Variants in PLSCR4 observed in about 807,000 individuals in gnomAD.
PLSCR4 encodes the protein Ca(2+)-dependent phospholipid scramblase 4.
PLSCR4 carries 25 observed loss-of-function variants against 36.3 expected under a neutral mutation model. The ratio of observed to expected loss-of-function variants is 0.69; its 90% CI spans 0.50 to 0.96. The LOEUF (loss-of-function observed/expected upper bound fraction) is 0.96. Ranked by LOEUF, PLSCR4 falls within the 40% of genes least tolerant of loss-of-function variation. The pLI is 0.00. For missense variants in PLSCR4, 408 were observed against 414.7 expected, an observed-to-expected ratio of 0.98 and a Z score of 0.14; for synonymous variants, 122 against 132.9, an observed-to-expected ratio of 0.92 and a Z score of 0.56.
rs2033539657 is a variant in PLSCR4, at chr3:146,193,656, A to C, written c.*755T>G. On this transcript the variant is annotated 3_prime_UTR_variant, in exon 9 of 9. Transcript: ENST00000354952. The stretch of plus-strand genomic sequence containing the variant: ...TCATATAATGACACCAATGTCTCTA[A>C]GTTGCTCAGAGATCTTGACTGGCTG... 6.6e-6 allele frequency: 1 copy of C among 152,232 alleles called. No individual in the cohort carries two copies. Among genetic ancestry groups the C allele is most frequent in the Non-Finnish European group, 1.5e-5 (1 of 68,032 alleles). The allele number at this position is 152,232 out of a possible 1,614,324, so 9.4% of individuals were successfully genotyped here.
chr3:146,243,389 TGTC>T (rs980034644), intron 1 of PLSCR4, among the ~76,000 whole-genome samples: 34 of 152,306 alleles, frequency 2.2e-4, no homozygotes, highest in African/African-American at 8.2e-4. Flanking sequence ...AAAACTGTGT[TGTC>T]ATTTATTCTT....
rs1061409 is a variant in PLSCR4, at chr3:146,199,974, T to A, written c.463A>T (p.Ile155Phe). ...IKNNSDQMVY[I>F]VTEDTDDFTR... ...AAGTCATCTGTGTCTTCGGTTACAA[T>A]GTAAACCATCTGGTCTGAGTTGTTT... Residue 155 changes from isoleucine (I) to phenylalanine (F), a missense_variant, in exon 6 of 9, where the codon ATT becomes TTT. Ile to Phe is a conservative substitution (Grantham distance 21). Transcript: ENST00000354952. 1.7e-5 allele frequency: 28 copies of A among 1,612,482 alleles called. No homozygotes were observed. The highest frequency in any genetic ancestry group is 2.0e-5 in the Non-Finnish European group (24 of 1,178,930).
At chr3:146,226,052 T>C (rs1021500269) in intron 1 of PLSCR4, among the ~76,000 whole-genome samples, 1 of 152,152 alleles carries the variant, frequency 6.6e-6, no homozygotes, top group Non-Finnish European at 1.5e-5. Flanking sequence ...CTGATAAATA[T>C]ATAGAGGAAA....
chr3:146,224,385 C>G (rs919950384), intron 1 of PLSCR4, among the ~76,000 whole-genome samples: 2 of 152,134 alleles, frequency 1.3e-5, no homozygotes, highest in Admixed American at 6.5e-5. Flanking sequence ...AGTATTGTGT[C>G]CAGAATTGGT....
Position 146,221,064 on chromosome 3 carries a change from G to A in PLSCR4, c.8-139C>T, listed in dbSNP as rs543702805. Reference sequence around the variant, plus strand: ...TACACTCCTATATTTTTTAAAGAAAGAATTCATCATATATTAGACACTATT... The same window carrying A: ...TACACTCCTATATTTTTTAAAGAAAAAATTCATCATATATTAGACACTATT... On this transcript the variant is annotated intron_variant, in intron 2 of 8. Coordinates refer to ENST00000354952, the MANE Select transcript of PLSCR4 (RefSeq NM_020353.3). 5.7e-5 allele frequency: 31 copies of A among 543,438 alleles called. No homozygotes were observed. In the South Asian group the frequency reaches 9.5e-4, roughly 17 times the overall value. 33.7% of individuals were successfully genotyped at this position (543,438 alleles called of 1,614,324 possible). A position where few individuals can be genotyped will look rare whatever the true frequency, so the allele number is the denominator to read the frequency against.
chr3:146,220,591 G>A (rs2035086772), intron 3 of PLSCR4, among the ~76,000 whole-genome samples: 1 of 152,136 alleles, frequency 6.6e-6, no homozygotes, highest in African/African-American at 2.4e-5. Context: ...AGAATGGAGA[G>A]AATGTCATCA....
chr3:146,226,515 CTT>C (rs1190892704), intron 1 of PLSCR4, among the ~76,000 whole-genome samples: 5 of 152,160 alleles, frequency 3.3e-5, no homozygotes, highest in Admixed American at 6.5e-5. Flanking sequence ...TAGTGGCAAA[CTT>C]TTAACAACTG....
chr3:146,246,743 A>G (rs1335579485), intron 1 of PLSCR4, among the ~76,000 whole-genome samples: 4 of 152,184 alleles, frequency 2.6e-5, no homozygotes, highest in Non-Finnish European at 5.9e-5. Flanking sequence ...TAGTAAAACA[A>G]GATGTCATGT....
chr3:146,203,767 T>G (rs910060956), intron 4 of PLSCR4, among the ~76,000 whole-genome samples: 2 of 152,018 alleles, frequency 1.3e-5, no homozygotes, highest in Non-Finnish European at 2.9e-5. Flanking sequence ...CTTAAGGAAA[T>G]GTTGTGACTG....
intron 3 of PLSCR4, among the ~76,000 whole-genome samples, chr3:146,208,450 A>C (rs545321927): frequency 2.0e-5 from 3 of 152,200 alleles, no homozygotes; most frequent in Non-Finnish European, 4.4e-5. Flanking sequence ...TAAACTAAAG[A>C]GCTTTTGCAC....
In PLSCR4 at chr3:146,193,730, T is replaced by C. The variant is rs1375722505; in HGVS notation, c.*681A>G. ...GATAGTCTGATTCTGCCTTCATATA[T>C]AGGCAGCTCCTGATCATCCATGCCA... On this transcript the variant is annotated 3_prime_UTR_variant, in exon 9 of 9. Coordinates refer to ENST00000354952, the MANE Select transcript of PLSCR4 (RefSeq NM_020353.3). 3 of 152,228 alleles carry C rather than the reference T, an allele frequency of 2.0e-5. No individual in the cohort carries two copies. The allele number at this position is 152,228 out of a possible 1,614,324, so 9.4% of individuals were successfully genotyped here.
intron 7 of PLSCR4, among the ~76,000 whole-genome samples, chr3:146,196,010 A>T (rs779986759): frequency 4.6e-5 from 7 of 152,234 alleles, no homozygotes; most frequent in Non-Finnish European, 8.8e-5. Context: ...AATATTCTTT[A>T]AGAAGCCTAG....
intron 8 of PLSCR4, 24 bp from the exon 9 acceptor site, chr3:146,194,479 T>A: frequency 1.4e-6 from 2 of 1,422,392 alleles, no homozygotes; most frequent in Non-Finnish European, 2.0e-6. Flanking sequence ...AAGAATTATA[T>A]GTAGATATAT....
At chr3:146,206,026 G>A (rs2034308978) in intron 4 of PLSCR4, among the ~76,000 whole-genome samples, 1 of 151,990 alleles carries the variant, frequency 6.6e-6, no homozygotes, top group Non-Finnish European at 1.5e-5. Context: ...TTGGCCTGAA[G>A]CAATATTCTT....
intron 1 of PLSCR4, among the ~76,000 whole-genome samples, chr3:146,228,165 T>A (rs2035556991): frequency 6.6e-6 from 1 of 152,190 alleles, no homozygotes; most frequent in Non-Finnish European, 1.5e-5. Context: ...CAATTACATT[T>A]GTATAGCACT....
intron 3 of PLSCR4, among the ~76,000 whole-genome samples, chr3:146,214,438 T>C (rs1171972268): frequency 2.3e-4 from 35 of 149,992 alleles, no homozygotes; most frequent in African/African-American, 8.8e-4. Context: ...CCTTTTTTTT[T>C]AATGGAGGTG....
intron 7 of PLSCR4, 70 bp downstream of exon 7, chr3:146,196,562 C>A (rs1426530105): frequency 6.9e-7 from 1 of 1,448,956 alleles, no homozygotes; most frequent in Admixed American, 1.7e-5. Context: ...ATGTCTACAA[C>A]CAGATCTTTC....
chr3:146,240,332 G>A (rs116057611), intron 1 of PLSCR4, among the ~76,000 whole-genome samples: 2,193 of 152,208 alleles, frequency 0.014, 57 homozygotes, highest in African/African-American at 0.05. Context: ...CATTAAGGCC[G>A]GTCATAGTGG....
At chr3:146,250,539 T>C (rs2036504809) in intron 1 of PLSCR4, 1 of 152,100 alleles carries the variant, frequency 6.6e-6, no homozygotes, top group South Asian at 2.1e-4. Context: ...AAAAAGTTAC[T>C]ATAAATAGCG....
Sources: gnomAD v4.1 joint callset for allele counts (sites outside exome capture counted in the v4.1 genomes callset) on GRCh38, gnomAD v4.1.1 for gene constraint, MANE v1.5 for transcripts, NCBI Gene and HGNC (gene_info 2026-07-23, HGNC 2026-07-21) for gene names.